The following TLE4 variants were observed in gnomAD, a reference collection of about 807,000 sequenced individuals.
TLE4 encodes the protein transducin-like enhancer protein 4.
In TLE4, 8 loss-of-function variants were observed where a neutral mutation model predicts 92.8. The observed-to-expected ratio is 0.09, with a 90% confidence interval of 0.05 to 0.16. The LOEUF (loss-of-function observed/expected upper bound fraction) is 0.16. TLE4 is among the 10% of genes least tolerant of loss of function. The pLI is 1.00. For synonymous variants in TLE4, 371 were observed against 374.1 expected (o/e 0.99, Z 0.10); for missense variants, 675 against 997.6 (o/e 0.68, Z 4.36).
intron 6 of TLE4, among the ~76,000 whole-genome samples, chr9:79,645,252 A>G (rs1771212608): frequency 6.6e-6 from 1 of 152,190 alleles, no homozygotes; most frequent in Non-Finnish European, 1.5e-5. Context: ...AAACCAAAAT[A>G]TGAGCACAAA....
At chr9:79,667,859 A>G (rs532578247) in intron 8 of TLE4, among the ~76,000 whole-genome samples, 3 of 152,336 alleles carry the variant, frequency 2.0e-5, no homozygotes, top group East Asian at 1.9e-4. Context: ...ACTAAAGATT[A>G]TCACTGGGAA....
chr9:79,708,673 G>C lies in TLE4; in HGVS notation c.1150G>C (p.Gly384Arg). 1 of 1,614,020 alleles carries C rather than the reference G, an allele frequency of 6.2e-7. No individual in the cohort carries two copies. The highest frequency in any genetic ancestry group is 8.5e-7 in the Non-Finnish European group (1 of 1,180,026). Residue 384 changes from glycine to arginine, a missense_variant, in exon 13 of 20, where the codon GGA (glycine) becomes CGA (arginine). Gly to Arg is a moderately radical substitution (Grantham distance 125). This residue lies in a region of TLE4 where 119 missense variants were observed against 175.9 expected (regional missense o/e 0.68). Coordinates refer to ENST00000376552, the MANE Select transcript of TLE4 (RefSeq NM_007005.6). ...GATTGTGCCCCATGCTGGAATGAAC[G>C]GAGAGCTGACCAGCCCCGGAGCGGC... is the stretch of plus-strand genomic sequence containing the variant. ...FGIVPHAGMNGELTSPGAAYA... is the reference protein window; with the variant it reads ...FGIVPHAGMNRELTSPGAAYA...
chr9:79,706,723 A>G, intron 10 of TLE4, 24 bp from the exon 11 acceptor site: 1 of 1,606,330 alleles, frequency 6.2e-7, no homozygotes, highest in South Asian at 1.1e-5. Context: ...TGCTTGCATT[A>G]CTGTCCACGA....
At chr9:79,698,389 A>G (rs992834111) in intron 8 of TLE4, among the ~76,000 whole-genome samples, 3 of 152,350 alleles carry the variant, frequency 2.0e-5, no homozygotes, top group African/African-American at 7.2e-5. Flanking sequence ...CAAAAACAAT[A>G]GAACATTTTA....
At chr9:79,716,251 AG>A (rs1353769222) in intron 14 of TLE4, among the ~76,000 whole-genome samples, 1 of 152,068 alleles carries the variant, frequency 6.6e-6, no homozygotes, top group Non-Finnish European at 1.5e-5. Context: ...TCTGGTCTCA[AG>A]GCCTTTGCAT....
In TLE4 at chr9:79,708,509, A is replaced by G. The variant is rs1321633955; in HGVS notation, c.1070-84A>G. The G allele has an allele frequency of 6.8e-6, 9 of 1,318,666 alleles. No individual in the cohort carries two copies. In the Admixed American group the frequency reaches 1.5e-4, roughly 22 times the overall value. 81.7% of individuals were successfully genotyped at this position (1,318,666 alleles called of 1,614,324 possible). On this transcript the variant is annotated intron_variant, in intron 12 of 19. Coordinates refer to ENST00000376552, the MANE Select transcript of TLE4 (RefSeq NM_007005.6). ...TAAAATAAGCTCATTTGAACCATAGATTCTATTTTGTGACATGTTTACAAA... is the reference window on the plus strand; with the variant it reads ...TAAAATAAGCTCATTTGAACCATAGGTTCTATTTTGTGACATGTTTACAAA...
intron 19 of TLE4, 59 bp from the exon 20 acceptor site, chr9:79,724,978 C>A: frequency 1.5e-6 from 2 of 1,302,078 alleles, no homozygotes; most frequent in South Asian, 1.2e-5. Context: ...CTAAGTCCTC[C>A]ATACTCATGG....
intron 8 of TLE4, among the ~76,000 whole-genome samples, chr9:79,666,871 A>C (rs1371914984): frequency 1.3e-5 from 2 of 152,244 alleles, no homozygotes; most frequent in Non-Finnish European, 2.9e-5. Context: ...ACCCAGGGAC[A>C]GTGAAAGAGT....
intron 8 of TLE4, among the ~76,000 whole-genome samples, chr9:79,662,365 G>A (rs1329416908): frequency 6.6e-6 from 1 of 152,206 alleles, no homozygotes; most frequent in African/African-American, 2.4e-5. Context: ...CACCCAGTGA[G>A]AGAAGCCAGT....
chr9:79,719,898 C>G (rs1021475250), intron 15 of TLE4, 148 bp from the exon 16 acceptor site: 1 of 1,045,838 alleles, frequency 9.6e-7, no homozygotes, highest in Non-Finnish European at 1.3e-6. Context: ...ATGTAATTTT[C>G]TAGCATTAAT....
At position 79,647,550 on chromosome 9, in the gene TLE4, T is replaced by A. The variant is rs187681890; in HGVS notation, c.391-5043T>A. On this transcript the variant is annotated intron_variant, in intron 6 of 19. Coordinates refer to ENST00000376552, the MANE Select transcript of TLE4 (RefSeq NM_007005.6). ...AGGCTTATAGTACAAGCAGCTTTTT[T>A]ATTTCTTCTAGTTTAATTTTAAATT... Among the ~76,000 whole-genome samples, 344 of 152,332 alleles carry A rather than the reference T, an allele frequency of 2.3e-3. 1 individual carries two copies. The highest frequency in any genetic ancestry group is 6.9e-3 in the African/African-American group (286 of 41,580).
intron 4 of TLE4, among the ~76,000 whole-genome samples, chr9:79,597,173 C>A (rs575689134): frequency 6.6e-6 from 1 of 152,256 alleles, no homozygotes; most frequent in South Asian, 2.1e-4. Context: ...TGCCTCCTTT[C>A]CTTGCTCTCA....
At chr9:79,624,542 T>C (rs1268565418) in intron 5 of TLE4, among the ~76,000 whole-genome samples, 2 of 152,202 alleles carry the variant, frequency 1.3e-5, no homozygotes, top group Admixed American at 1.3e-4. Context: ...CCCACAGCCA[T>C]TGCCATCAAA....
At chr9:79,633,451 G>A (rs1374194783) in intron 6 of TLE4, among the ~76,000 whole-genome samples, 2 of 152,150 alleles carry the variant, frequency 1.3e-5, no homozygotes, top group Non-Finnish European at 2.9e-5. Context: ...TTCCATCGCT[G>A]TAGAGTTGAG....
At chr9:79,583,046 G>A (rs111651108) in intron 4 of TLE4, among the ~76,000 whole-genome samples, 2,117 of 152,246 alleles carry the variant, frequency 0.014, 23 homozygotes, top group Admixed American at 0.022. Flanking sequence ...GCAAGAGTTA[G>A]AGCTGTTTTG....
At chr9:79,606,187 G>T (rs867022716) in intron 4 of TLE4, among the ~76,000 whole-genome samples, 717 of 28,232 alleles carry the variant, frequency 0.025, 6 homozygotes, top group Middle Eastern at 0.042. Context: ...AGTAGTAGTT[G>T]TTTTTTTTTT....
chr9:79,697,408 G>A (rs1418863029), intron 8 of TLE4, among the ~76,000 whole-genome samples: 3 of 152,152 alleles, frequency 2.0e-5, no homozygotes, highest in Admixed American at 6.5e-5. Context: ...TCAGTGGTGA[G>A]GGGTTGTACT....
At chr9:79,657,059 T>C (rs2059882133) in intron 8 of TLE4, among the ~76,000 whole-genome samples, 1 of 152,168 alleles carries the variant, frequency 6.6e-6, no homozygotes, top group African/African-American at 2.4e-5. Context: ...AATATGGATC[T>C]AAAGGAGAAA....
chr9:79,694,796 G>T (rs1426953081), intron 8 of TLE4, among the ~76,000 whole-genome samples: 1 of 151,720 alleles, frequency 6.6e-6, no homozygotes, highest in African/African-American at 2.4e-5. Flanking sequence ...AAAGCAGGGG[G>T]GAGGACTAAG....
Sources: allele counts gnomAD v4.1 joint callset (sites outside exome capture counted in the v4.1 genomes callset), GRCh38; gene constraint gnomAD v4.1.1; regional missense constraint gnomAD v4.1.1; transcripts MANE v1.5; gene names NCBI Gene and HGNC (gene_info 2026-07-23, HGNC 2026-07-21).